CPVL: variants seen among roughly 807,000 people sequenced by gnomAD.
CPVL encodes probable serine carboxypeptidase CPVL.
In CPVL, 51 loss-of-function variants were observed where a neutral mutation model predicts 63.7. The ratio of observed to expected loss-of-function variants is 0.80; its 90% confidence interval spans 0.64 to 1.01. The LOEUF (loss-of-function observed/expected upper bound fraction) is 1.01, where lower values mean the gene tolerates loss of function less well. CPVL is among the 50% of genes least tolerant of loss of function. CPVL has a pLI of 0.00. For synonymous variants in CPVL, 195 were observed against 206.0 expected, an observed-to-expected ratio of 0.95 and a Z score of 0.46; for missense variants, 530 against 573.1, an observed-to-expected ratio of 0.92 and a Z score of 0.77.
intron 12 of CPVL, among the ~76,000 whole-genome samples, chr7:29,021,625 C>A (rs917702742): frequency 1.3e-5 from 2 of 152,034 alleles, no homozygotes; most frequent in African/African-American, 2.4e-5. Context: ...ACCACAGACT[C>A]CTATAATTTT....
At chr7:29,013,657 T>C (rs1413443404) in intron 12 of CPVL, among the ~76,000 whole-genome samples, 1 of 152,216 alleles carries the variant, frequency 6.6e-6, no homozygotes, top group Non-Finnish European at 1.5e-5. Context: ...CCATGAGAGC[T>C]AGCAAGTACA....
At chr7:29,172,043 C>T (rs1366369976) in intron 5 of CPVL, among the ~76,000 whole-genome samples, 3 of 152,178 alleles carry the variant, frequency 2.0e-5, no homozygotes, top group Non-Finnish European at 2.9e-5. Context: ...GGAGACAGCC[C>T]CCTAGTCAGC....
At chr7:29,093,139 A>T (rs1193708440) in intron 5 of CPVL, among the ~76,000 whole-genome samples, 1 of 151,992 alleles carries the variant, frequency 6.6e-6, no homozygotes, top group Non-Finnish European at 1.5e-5. Context: ...TAATCCCAGC[A>T]CTTTGGGAGG....
chr7:29,019,434 G>C (rs1360019871), intron 12 of CPVL, among the ~76,000 whole-genome samples: 2 of 152,082 alleles, frequency 1.3e-5, no homozygotes, highest in Non-Finnish European at 2.9e-5. Flanking sequence ...TGATTTCTCT[G>C]GGCATGGCTT....
Position 29,153,201 on chromosome 7 carries a change from C to G in CPVL, c.-11+28089G>C, listed in dbSNP as rs976216410. ...TTTGTTCCCTGGTTTATAAGTGTTA[C>G]ATATCTAGACATATGGTATGTGGGC... On this transcript the variant is annotated intron_variant, in intron 5 of 16. Coordinates refer to the CPVL transcript ENST00000409850. 7.9e-5 allele frequency among the ~76,000 whole-genome samples: 12 copies of G among 152,306 alleles called. No individual in the cohort carries two copies. The South Asian group carries it at 2.5e-3, about 32-fold the overall frequency.
intron 3 of CPVL, among the ~76,000 whole-genome samples, chr7:29,111,022 G>A (rs1000412556): frequency 1.1e-4 from 17 of 152,350 alleles, no homozygotes; most frequent in Admixed American, 7.2e-4. Context: ...GCCTCCAGAA[G>A]TACCACAACC....
intron 5 of CPVL, among the ~76,000 whole-genome samples, chr7:29,167,121 C>T (rs1168398945): frequency 6.6e-6 from 1 of 152,116 alleles, no homozygotes; most frequent in Admixed American, 6.6e-5. Flanking sequence ...CTGGTAACAT[C>T]CCTACCTTGA....
At chr7:29,116,186 T>C (rs959286217) in intron 2 of CPVL, among the ~76,000 whole-genome samples, 2 of 152,240 alleles carry the variant, frequency 1.3e-5, no homozygotes, top group African/African-American at 2.4e-5. Flanking sequence ...GATTGGCTTA[T>C]TTCTACAAAA....
intron 5 of CPVL, among the ~76,000 whole-genome samples, chr7:29,178,868 A>C (rs570603519): frequency 1.3e-5 from 2 of 152,362 alleles, no homozygotes; most frequent in South Asian, 4.1e-4. Flanking sequence ...CACAAATTTG[A>C]CCAATCAAAG....
At chr7:29,070,197 C>A (rs75460482) in intron 9 of CPVL, among the ~76,000 whole-genome samples, 17 of 152,128 alleles carry the variant, frequency 1.1e-4, no homozygotes, top group Non-Finnish European at 1.9e-4. Context: ...CTGACGTATC[C>A]GGTTTGGGAG....
intron 11 of CPVL, among the ~76,000 whole-genome samples, chr7:29,046,711 C>T (rs915301885): frequency 1.3e-5 from 2 of 151,722 alleles, no homozygotes; most frequent in Admixed American, 1.3e-4. Flanking sequence ...TCAAGAAAAA[C>T]AATAACAATG....
At position 29,030,604 on chromosome 7, in the gene CPVL, G is replaced by A. The variant is rs1379050644; in HGVS notation, c.1293C>T (p.Tyr431=). ...IFKSDSEVAG[Y]IRQAGDFHQV... is the part of the protein sequence containing the mutation. ...GATGGAAGTCACCCGCTTGCCGGAT[G>A]TAACCAGCCACTTCACTGTCAGATT... Residue 431 remains tyrosine, a synonymous_variant, in exon 12 of 13, where the codon TAC becomes TAT. Coordinates refer to ENST00000265394, the MANE Select transcript of CPVL (RefSeq NM_031311.5). 6.2e-7 allele frequency: 1 copy of A among 1,613,224 alleles called. No individual in the cohort carries two copies.
intron 1 of CPVL, among the ~76,000 whole-genome samples, chr7:29,187,345 CTGTG>C (rs35253523): frequency 1.0e-3 from 156 of 149,234 alleles, no homozygotes; most frequent in African/African-American, 3.1e-3. Flanking sequence ...GTTTGTGTGT[CTGTG>C]TGTGTGTGTG....
intron 6 of CPVL, 72 bp from the exon 7 acceptor site, chr7:29,086,622 T>A: frequency 2.7e-6 from 3 of 1,131,372 alleles, no homozygotes; most frequent in Non-Finnish European, 2.7e-6. Context: ...TGCTAGGATA[T>A]CAAATCTAAC....
chr7:29,120,734 T>C (rs1432573876), intron 2 of CPVL, among the ~76,000 whole-genome samples, 159 bp downstream of exon 2: 3 of 151,480 alleles, frequency 2.0e-5, no homozygotes, highest in Admixed American at 1.3e-4. Context: ...GGCAGGAGAA[T>C]TGCTTGAACC....
Position 29,075,519 on chromosome 7 carries a change from T to TAAAAAAAAAAAAAA in CPVL, c.610-3110_610-3097dup, listed in dbSNP as rs10658501. On this transcript the variant is annotated intron_variant, in intron 7 of 12. Coordinates refer to ENST00000265394, the MANE Select transcript of CPVL (RefSeq NM_031311.5). ...TCTTTTCTATTGAGAAGATACTTCT[T>TAAAAAAAAAAAAAA]AAAAAAAAAAAAAAAAAAGCCATCA... Among the ~76,000 whole-genome samples the TAAAAAAAAAAAAAA allele has an allele frequency of 1.6e-5, 2 of 128,978 alleles. 1 individual carries two copies. The allele number at this position is 128,978 out of a possible 152,430, so 84.6% of individuals were successfully genotyped here. A position where few individuals can be genotyped will look rare whatever the true frequency, so the allele number is the denominator to read the frequency against.
chr7:29,006,238 A>G (rs1297184012), intron 12 of CPVL, among the ~76,000 whole-genome samples: 1 of 152,198 alleles, frequency 6.6e-6, no homozygotes, highest in Non-Finnish European at 1.5e-5. Flanking sequence ...GGCAAATACT[A>G]CAAATCAGTG....
chr7:29,141,914 CAA>C (rs35465616), intron 1 of CPVL, among the ~76,000 whole-genome samples: 11 of 143,464 alleles, frequency 7.7e-5, no homozygotes, highest in East Asian at 2.0e-4. Context: ...GACACCATCT[CAA>C]AAAAAAAAAA....
chr7:29,112,719 C>A lies in CPVL; in HGVS notation c.273G>T (p.Trp91Cys). Residue 91 changes from tryptophan (W) to cysteine (C), a missense_variant, in exon 3 of 13, where the codon TGG (tryptophan) becomes TGT (cysteine). Physicochemically the swap from Trp to Cys is radical, Grantham distance 215 (BLOSUM62 -2). Coordinates refer to ENST00000265394, the MANE Select transcript of CPVL (RefSeq NM_031311.5). Reference protein sequence around the residue: ...NKTYNSNLFFWFFPAQIQPED... With the variant: ...NKTYNSNLFFCFFPAQIQPED... Reference sequence around the variant, plus strand: ...GGGCACCTACCTGAGCTGGGAAGAACCAGAAGAAGAGGTTGCTGTTGTAAG... The same window carrying A: ...GGGCACCTACCTGAGCTGGGAAGAAACAGAAGAAGAGGTTGCTGTTGTAAG... The A allele has an allele frequency of 6.2e-7, 1 of 1,611,790 alleles. No homozygotes were observed. The highest frequency in any genetic ancestry group is 8.5e-7 in the Non-Finnish European group (1 of 1,178,508).
Sources: gnomAD v4.1 joint callset for allele counts (sites outside exome capture counted in the v4.1 genomes callset) on GRCh38, gnomAD v4.1.1 for gene constraint, MANE v1.5 for transcripts, NCBI Gene and HGNC (gene_info 2026-07-23, HGNC 2026-07-21) for gene names.